The following ZNF490 variants were observed in gnomAD, a reference collection of about 807,000 sequenced individuals.
ZNF490 encodes zinc finger protein 490.
Under a neutral mutation model 17.7 loss-of-function variants are expected in ZNF490, and 11 were observed. The observed-to-expected ratio is 0.62, with a 90% CI of 0.39 to 1.03. The LOEUF is 1.03. Among genes scored for constraint, ZNF490 ranks in the 50% least tolerant of loss-of-function variants. ZNF490 has a pLI of 0.00. For missense variants in ZNF490, 542 were observed against 643.4 expected (o/e 0.84, Z 1.71); for synonymous variants, 222 against 216.1 (o/e 1.03, Z -0.24).
At chr19:12,592,577 T>C (rs947904746) in intron 2 of ZNF490, among the ~76,000 whole-genome samples, 3 of 152,050 alleles carry the variant, frequency 2.0e-5, no homozygotes, top group African/African-American at 7.2e-5. Flanking sequence ...GAGGGACTAA[T>C]GAATAGGAGA....
chr19:12,583,773 CTCTCTCTCTCTCTCTCTCTATA>C (rs1362855590), intron 2 of ZNF490, among the ~76,000 whole-genome samples: 1 of 102,232 alleles, frequency 9.8e-6, no homozygotes, highest in East Asian at 3.3e-4. Context: ...CTCTCTCTCT[CTCTCTCTCTCTCTCTCTCTATA>C]TATATATATA....
chr19:12,597,226 A>AT (rs1430236825), intron 2 of ZNF490: 7 of 457,648 alleles, frequency 1.5e-5, no homozygotes, highest in South Asian at 1.1e-4. Flanking sequence ...GAGACAAAGC[A>AT]TACGCAGAGC....
intron 2 of ZNF490, among the ~76,000 whole-genome samples, chr19:12,603,269 T>C (rs1391568074): frequency 6.6e-6 from 1 of 152,036 alleles, no homozygotes; most frequent in Non-Finnish European, 1.5e-5. Flanking sequence ...GGCAGGATGC[T>C]TGAGCCCAGG....
At chr19:12,588,542 C>T (rs766465236) in intron 2 of ZNF490, among the ~76,000 whole-genome samples, 2 of 151,992 alleles carry the variant, frequency 1.3e-5, no homozygotes, top group African/African-American at 2.4e-5. Flanking sequence ...TTTCAATAAC[C>T]CCCAGCATTA....
Position 12,609,795 on chromosome 19 carries a change from A to C in ZNF490, c.118-593T>G, listed in dbSNP as rs954404586. On this transcript the variant is annotated intron_variant, in intron 1 of 4. Coordinates refer to ENST00000311437, the MANE Select transcript of ZNF490 (RefSeq NM_020714.3). ...AGCTAAACAATGGGTAAACATGGAC[A>C]TACAGAATGGAATAATAGACACTGG... The C allele has an allele frequency of 1.1e-5, 4 of 350,680 alleles. No homozygotes were observed. In the Admixed American group the frequency reaches 1.3e-4, roughly 11 times the overall value. The allele number at this position is 350,680 out of a possible 1,614,324, so 21.7% of individuals were successfully genotyped here. A position where few individuals can be genotyped will look rare whatever the true frequency, so the allele number is the denominator to read the frequency against.
At chr19:12,598,646 G>A (rs906152243) in intron 2 of ZNF490, among the ~76,000 whole-genome samples, 15 of 151,242 alleles carry the variant, frequency 9.9e-5, no homozygotes, top group African/African-American at 3.6e-4. Context: ...CAAAGTGCTG[G>A]GATTACAGGC....
Position 12,610,629 on chromosome 19 carries a change from G to C in ZNF490, c.52C>G (p.Gln18Glu). The change falls in exon 1 of 5, where the codon CAA becomes GAA. Residue 18 changes from glutamine (Q) to glutamate (E), a missense_variant. Gln to Glu is a conservative substitution (Grantham distance 29, BLOSUM62 2). Transcript: ENST00000311437. ...SFQMERPLEE[Q>E]VQSKWSSSQG... ...CTAGACGACCACTTGCTCTGGACTT[G>C]CTCCTCGAGGGGTCGCTCCATCTGG... is the stretch of plus-strand genomic sequence containing the variant. The C allele has an allele frequency of 6.2e-7, 1 of 1,613,926 alleles. No homozygotes were observed. Among genetic ancestry groups the C allele is most frequent in the Non-Finnish European group, 8.5e-7 (1 of 1,180,016 alleles).
At chr19:12,597,066 G>C in intron 2 of ZNF490, 1 of 456,412 alleles carries the variant, frequency 2.2e-6, no homozygotes, top group Non-Finnish European at 4.4e-6. Flanking sequence ...GGTCAGCTGC[G>C]CCAGGGGGAC....
At chr19:12,583,733 C>T (rs1204963276) in intron 2 of ZNF490, among the ~76,000 whole-genome samples, 177 bp from the exon 3 acceptor site, 2 of 137,954 alleles carry the variant, frequency 1.4e-5, no homozygotes, top group East Asian at 2.3e-4. Flanking sequence ...TTAACACTAT[C>T]GTGAACATAC....
chr19:12,610,051 A>T, intron 1 of ZNF490: 2 of 429,362 alleles, frequency 4.7e-6, no homozygotes, highest in South Asian at 3.4e-5. Context: ...AAAACAACGA[A>T]AACAAACCAT....
intron 2 of ZNF490, among the ~76,000 whole-genome samples, chr19:12,588,533 T>A (rs1443747512): frequency 6.6e-6 from 1 of 152,170 alleles, no homozygotes; most frequent in Non-Finnish European, 1.5e-5. Flanking sequence ...AGCTGTATAT[T>A]TCAATAACCC....
At position 12,578,251 on chromosome 19, in the gene ZNF490, G is replaced by C. The variant is rs2022672330; in HGVS notation, c.*2234C>G. On this transcript the variant is annotated 3_prime_UTR_variant, in exon 5 of 5. Transcript: ENST00000311437. ...TAGAATGTGCCAGAAAACAGGGAAAGCAAGTTAGGGGAGGTAAGAATTCTG... is the reference window on the plus strand; with the variant it reads ...TAGAATGTGCCAGAAAACAGGGAAACCAAGTTAGGGGAGGTAAGAATTCTG... 2 of 985,482 alleles carry C rather than the reference G, an allele frequency of 2.0e-6. No individual in the cohort carries two copies. Among genetic ancestry groups the C allele is most frequent in the South Asian group, 4.7e-5 (1 of 21,290 alleles). The allele number at this position is 985,482 out of a possible 1,614,324, so 61.0% of individuals were successfully genotyped here. A position where few individuals can be genotyped will look rare whatever the true frequency, so the allele number is the denominator to read the frequency against.
At chr19:12,593,125 T>C (rs1162212770) in intron 2 of ZNF490, among the ~76,000 whole-genome samples, 1 of 152,216 alleles carries the variant, frequency 6.6e-6, no homozygotes, top group Non-Finnish European at 1.5e-5. Context: ...CCGGAACTCT[T>C]GCACGAATAT....
intron 1 of ZNF490, chr19:12,609,940 A>G (rs755381965): frequency 6.6e-6 from 3 of 455,796 alleles, no homozygotes; most frequent in African/African-American, 6.0e-5. Flanking sequence ...TATGAAATAT[A>G]TCCACGTAAC....
Position 12,583,432 on chromosome 19 carries a change from A to G in ZNF490, c.287T>C (p.Ile96Thr). The G allele has an allele frequency of 6.3e-7, 1 of 1,598,690 alleles. No homozygotes were observed. The highest frequency in any genetic ancestry group is 1.1e-5 in the South Asian group (1 of 90,632). Residue 96 changes from isoleucine (I) to threonine (T), a missense_variant and splice_region_variant, in exon 3 of 5, where the codon ATA becomes ACA. By Grantham distance (89) the Ile-to-Thr change is moderately conservative. Coordinates refer to ENST00000311437, the MANE Select transcript of ZNF490 (RefSeq NM_020714.3). Reference sequence around the variant, plus strand: ...TAGAGAAATTATGTCACCCTTACCTATACAGGCCAGGTTCTTGAAGGTTGC... The same window carrying G: ...TAGAGAAATTATGTCACCCTTACCTGTACAGGCCAGGTTCTTGAAGGTTGC... ...MRATFKNLAC[I>T]GEKWKDQDIE...
chr19:12,597,493 T>C (rs986038134), intron 2 of ZNF490, among the ~76,000 whole-genome samples: 7 of 152,180 alleles, frequency 4.6e-5, no homozygotes, highest in African/African-American at 1.4e-4. Flanking sequence ...CCGAGGTCCA[T>C]TTTTAAGTGG....
At position 12,580,608 on chromosome 19, in the gene ZNF490, C is replaced by T. The variant is rs757155250; in HGVS notation, c.1467G>A (p.Leu489=). The change falls in exon 5 of 5, where the codon CTG becomes CTA. Residue 489 remains leucine (L), a synonymous_variant. Coordinates refer to ENST00000311437, the MANE Select transcript of ZNF490 (RefSeq NM_020714.3). ...CAGTATGAATTCTTTTGTGTACTTT[C>T]AGGGAATTTAAACAAGTGAAAGCTT... ...CGKAFTCLNS[L]KVHKRIHTGE... 8.1e-6 allele frequency: 13 copies of T among 1,613,930 alleles called. No individual in the cohort carries two copies. The highest frequency in any genetic ancestry group is 1.1e-5 in the Non-Finnish European group (13 of 1,180,016).
rs775152061 is a variant in ZNF490 at position 12,610,567 on chromosome 19, G to A, written c.114C>T (p.Leu38=). The part of the protein sequence containing the change: ...GRTGTGGSDV[L]QMQNSEHHGQ... Reference sequence around the variant, plus strand: ...CATTATGCCAAGCCCCTGGTACCTGGAGGACATCAGACCCTCCTGTTCCTG... The same window carrying A: ...CATTATGCCAAGCCCCTGGTACCTGAAGGACATCAGACCCTCCTGTTCCTG... Residue 38 remains leucine, a synonymous_variant, in exon 1 of 5, where the codon CTC becomes CTT. Coordinates refer to ENST00000311437, the MANE Select transcript of ZNF490 (RefSeq NM_020714.3). 6.2e-7 allele frequency: 1 copy of A among 1,613,482 alleles called. No individual in the cohort carries two copies. Among genetic ancestry groups the A allele is most frequent in the Middle Eastern group, 1.6e-4 (1 of 6,062 alleles).
intron 2 of ZNF490, among the ~76,000 whole-genome samples, chr19:12,596,473 C>A (rs553693266): frequency 2.6e-5 from 4 of 152,028 alleles, no homozygotes; most frequent in South Asian, 2.1e-4. Context: ...TAAAGCCAGG[C>A]GTTCAAGACT....
Sources: gnomAD v4.1 joint callset for allele counts (sites outside exome capture counted in the v4.1 genomes callset) on GRCh38, gnomAD v4.1.1 for gene constraint, MANE v1.5 for transcripts, NCBI Gene and HGNC (gene_info 2026-07-23, HGNC 2026-07-21) for gene names.